The following TBC1D8 variants were observed in gnomAD, a reference collection of about 807,000 sequenced individuals.
The protein encoded by TBC1D8 is BUB2-like protein 1.
TBC1D8 carries 65 observed loss-of-function variants against 118.8 expected under a neutral mutation model. The ratio of observed to expected loss-of-function variants is 0.55; its 90% CI spans 0.45 to 0.67. The LOEUF (loss-of-function observed/expected upper bound fraction) is 0.67, where lower values mean the gene tolerates loss of function less well. Among genes scored for constraint, TBC1D8 ranks in the 30% least tolerant of loss-of-function variants. TBC1D8 has a pLI of 0.00. For missense variants in TBC1D8, 1,376 were observed against 1,471.2 expected, an observed-to-expected ratio of 0.94 and a Z score of 1.06; for synonymous variants, 566 against 595.8, an observed-to-expected ratio of 0.95 and a Z score of 0.73.
intron 5 of TBC1D8, among the ~76,000 whole-genome samples, chr2:101,047,267 C>T (rs1356861825): frequency 6.6e-6 from 1 of 152,214 alleles, no homozygotes; most frequent in African/African-American, 2.4e-5. Flanking sequence ...CCTCCCTGCT[C>T]CCAGGGGAGC....
chr2:101,085,968 C>T (rs540678811), intron 2 of TBC1D8, among the ~76,000 whole-genome samples: 10 of 152,006 alleles, frequency 6.6e-5, no homozygotes, highest in East Asian at 1.9e-4. Context: ...GGTGAAACCT[C>T]GTCTCTACTA....
chr2:101,033,633 G>C lies in TBC1D8; in HGVS notation c.1729C>G (p.Pro577Ala). ...ATTCCCGTTTCGTTCTGGAAGGCGG[G>C]GTGCTCTGGCAGGGAGCGGTGCAGG... ...RDLHRSLPEH[P>A]AFQNETGIAA... is the part of the protein sequence containing the mutation. The change falls in exon 10 of 20, where the codon CCC (proline) becomes GCC (alanine). Residue 577 changes from proline (P) to alanine (A), a missense_variant. By Grantham distance (27) the Pro-to-Ala change is conservative. Coordinates refer to ENST00000409318, the MANE Select transcript of TBC1D8 (RefSeq NM_001330348.2). 2 of 1,613,952 alleles carry C rather than the reference G, an allele frequency of 1.2e-6. No homozygotes were observed. The highest frequency in any genetic ancestry group is 1.7e-6 in the Non-Finnish European group (2 of 1,179,894).
At chr2:101,023,495 T>C (rs983539861) in intron 15 of TBC1D8, 2 of 322,336 alleles carry the variant, frequency 6.2e-6, no homozygotes, top group Non-Finnish European at 1.3e-5. Flanking sequence ...ATCTGTAGGA[T>C]ACAGAAGGAA....
In TBC1D8 at chr2:101,050,432, C is replaced by T. The variant is rs570395629; in HGVS notation, c.841G>A (p.Asp281Asn). 1.3e-5 allele frequency: 21 copies of T among 1,613,438 alleles called. No individual in the cohort carries two copies. Among genetic ancestry groups the T allele is most frequent in the South Asian group, 7.7e-5 (7 of 91,054 alleles). ...GTGATCTGGCTCGGCTCCTGCAGAT[C>T]GGGGTCGAGGTCAAAGACCTCATTA... The part of the protein sequence containing the change: ...LDNEVFDLDP[D>N]LQEPSQITKR... The change falls in exon 5 of 20, where the codon GAT (aspartate) becomes AAT (asparagine). Residue 281 changes from aspartate (D) to asparagine (N), a missense_variant. Coordinates refer to ENST00000409318, the MANE Select transcript of TBC1D8 (RefSeq NM_001330348.2).
intron 5 of TBC1D8, among the ~76,000 whole-genome samples, chr2:101,043,848 G>C (rs1573926243): frequency 6.6e-6 from 1 of 152,260 alleles, no homozygotes; most frequent in East Asian, 1.9e-4. Context: ...GCTGAGGCAA[G>C]AGAATCGCTT....
intron 1 of TBC1D8, among the ~76,000 whole-genome samples, chr2:101,131,801 C>T (rs370491432): frequency 4.5e-4 from 68 of 151,840 alleles, no homozygotes; most frequent in African/African-American, 1.5e-3. Flanking sequence ...GGCGACAGAG[C>T]GAGACTCTGT....
chr2:101,118,863 A>T (rs1051696269), intron 1 of TBC1D8, among the ~76,000 whole-genome samples: 1 of 152,090 alleles, frequency 6.6e-6, no homozygotes. Flanking sequence ...TACAAAAATT[A>T]GCTGGGTGTG....
intron 17 of TBC1D8, chr2:101,018,902 G>T: frequency 6.8e-7 from 1 of 1,481,170 alleles, no homozygotes; most frequent in Non-Finnish European, 9.2e-7. Context: ...TTATCAATCT[G>T]CAGTGAAAAC....
intron 2 of TBC1D8, among the ~76,000 whole-genome samples, chr2:101,063,993 A>T (rs997744276): frequency 1.3e-5 from 2 of 152,190 alleles, no homozygotes; most frequent in African/African-American, 4.8e-5. Context: ...GGATGATAAA[A>T]AGCCTACAAA....
At chr2:101,078,566 A>G (rs1407370682) in intron 2 of TBC1D8, among the ~76,000 whole-genome samples, 1 of 152,134 alleles carries the variant, frequency 6.6e-6, no homozygotes, top group Admixed American at 6.6e-5. Flanking sequence ...TTGCTTTAAA[A>G]TGCTTTGGGG....
At chr2:101,057,192 T>G (rs1682486429) in intron 3 of TBC1D8, among the ~76,000 whole-genome samples, 1 of 152,170 alleles carries the variant, frequency 6.6e-6, no homozygotes, top group African/African-American at 2.4e-5. Flanking sequence ...AAACAGGACC[T>G]GTTTTTAAAG....
intron 8 of TBC1D8, among the ~76,000 whole-genome samples, chr2:101,036,674 C>T (rs1267097980): frequency 3.3e-5 from 5 of 152,146 alleles, no homozygotes. Context: ...TTCTCATTAA[C>T]AGAAATGAGA....
At position 101,011,142 on chromosome 2, in the gene TBC1D8, A is replaced by G. The variant is rs1014422713; in HGVS notation, c.2918-116T>C. 4 of 1,003,364 alleles carry G rather than the reference A, an allele frequency of 4.0e-6. No individual in the cohort carries two copies. In the African/African-American group the frequency reaches 6.5e-5, roughly 16 times the overall value. 62.2% of individuals were successfully genotyped at this position (1,003,364 alleles called of 1,614,324 possible). A position where few individuals can be genotyped will look rare whatever the true frequency, so the allele number is the denominator to read the frequency against. On this transcript the variant is annotated intron_variant, in intron 18 of 19. Transcript: ENST00000409318. ...TGAGGAATTCCACTAAGCAAATTCC[A>G]TACAAAACTGGAAAGCAAGAGATTC...
At chr2:101,135,869 T>C (rs1678835373) in intron 1 of TBC1D8, among the ~76,000 whole-genome samples, 1 of 152,082 alleles carries the variant, frequency 6.6e-6, no homozygotes, top group African/African-American at 2.4e-5. Context: ...AGGTCTCAGG[T>C]TGAAATTTGG....
At chr2:101,017,610 C>A (rs575529098) in intron 17 of TBC1D8, among the ~76,000 whole-genome samples, 1 of 152,330 alleles carries the variant, frequency 6.6e-6, no homozygotes, top group South Asian at 2.1e-4. Context: ...ACCATCTAAT[C>A]TGCAGATACC....
intron 1 of TBC1D8, among the ~76,000 whole-genome samples, chr2:101,118,610 T>G (rs1470755754): frequency 6.8e-6 from 1 of 147,850 alleles, no homozygotes; most frequent in African/African-American, 2.5e-5. Context: ...GGCAGGAGAA[T>G]GGCGTGAACC....
intron 1 of TBC1D8, among the ~76,000 whole-genome samples, chr2:101,134,007 C>T (rs1471368721): frequency 3.3e-5 from 5 of 152,106 alleles, no homozygotes; most frequent in African/African-American, 1.2e-4. Context: ...AGGAAAACCA[C>T]CCCCATGATC....
Position 101,008,177 on chromosome 2 carries a change from G to A in TBC1D8, c.3112C>T (p.Leu1038=). The change falls in exon 20 of 20, where the codon CTG becomes TTG. Residue 1038 remains leucine (L), a synonymous_variant. Coordinates refer to ENST00000409318, the MANE Select transcript of TBC1D8 (RefSeq NM_001330348.2). ...CCCACCTCCCCGATCTGCAGCAGCA[G>A]TGTGGTGACTGTGGCGATGGCTTGA... ...LYQAIATVTT[L]LLQIGEVGQR... is the part of the protein sequence containing the mutation. 6.2e-7 allele frequency: 1 copy of A among 1,613,716 alleles called. No individual in the cohort carries two copies. The highest frequency in any genetic ancestry group is 1.1e-5 in the South Asian group (1 of 91,036).
chr2:101,082,957 A>C (rs1216582024), intron 2 of TBC1D8, among the ~76,000 whole-genome samples: 1 of 152,216 alleles, frequency 6.6e-6, no homozygotes. Flanking sequence ...ACAACAATAC[A>C]AACATTTGTT....
Sources: gnomAD v4.1 joint callset for allele counts (sites outside exome capture counted in the v4.1 genomes callset) on GRCh38, gnomAD v4.1.1 for gene constraint, MANE v1.5 for transcripts, NCBI Gene and HGNC (gene_info 2026-07-23, HGNC 2026-07-21) for gene names.